The following GOLGA8B variants were observed in gnomAD, a reference collection of about 807,000 sequenced individuals.
GOLGA8B encodes golgin A8 family member B.
GOLGA8B carries 1 observed loss-of-function variant against 15.6 expected under a neutral mutation model. That is an observed-to-expected ratio of 0.06 (90% confidence interval 0.02 to 0.30). The LOEUF (loss-of-function observed/expected upper bound fraction) is 0.30. Ranked by LOEUF, GOLGA8B falls within the 10% of genes least tolerant of loss-of-function variation. GOLGA8B has a pLI of 1.00. For missense variants in GOLGA8B, 17 were observed against 201.3 expected, an observed-to-expected ratio of 0.08 and a Z score of 5.54; for synonymous variants, 9 against 80.3, an observed-to-expected ratio of 0.11 and a Z score of 4.75.
rs1363171568 is a variant in GOLGA8B, at chr15:34,554,153, A to G, written c.-1122-197T>C. On this transcript the variant is annotated intron_variant, in intron 1 of 23. Transcript: ENST00000683415. ...AAGTGGAACAGTTTCAGTGCAGACT[A>G]TAGGTTCATGTTAGTGATGAACTTG... Among the ~76,000 whole-genome samples, 17 of 133,952 alleles carry G rather than the reference A, an allele frequency of 1.3e-4. No homozygotes were observed. The East Asian group carries it at 2.0e-3, about 16-fold the overall frequency. The allele number at this position is 133,952 out of a possible 152,430, so 87.9% of individuals were successfully genotyped here. A position where few individuals can be genotyped will look rare whatever the true frequency, so the allele number is the denominator to read the frequency against.
intron 1 of GOLGA8B, among the ~76,000 whole-genome samples, chr15:34,576,498 C>T (rs1312036251): frequency 6.6e-6 from 1 of 152,202 alleles, no homozygotes; most frequent in African/African-American, 2.4e-5. Context: ...ACCACACATC[C>T]CACCTGCAAA....
At chr15:34,554,392 CAT>C (rs1212655136) in intron 1 of GOLGA8B, among the ~76,000 whole-genome samples, 392 of 150,048 alleles carry the variant, frequency 2.6e-3, no homozygotes, top group African/African-American at 8.7e-3. Flanking sequence ...ATGCCCACCT[CAT>C]ACACACCACA....
intron 11 of GOLGA8B, among the ~76,000 whole-genome samples, chr15:34,532,455 T>C (rs1888165411): frequency 9.0e-6 from 1 of 111,648 alleles, no homozygotes; most frequent in African/African-American, 2.8e-5. Context: ...ACAGAGACCT[T>C]TGATACTCAC....
chr15:34,528,155 ACCCCCACC>A, intron 22 of GOLGA8B, 26 bp downstream of exon 22: 1 of 101,410 alleles, frequency 9.9e-6, no homozygotes, highest in Non-Finnish European at 1.7e-5. Flanking sequence ...CCCCCACCCC[ACCCCCACC>A]CCCACAGGGA....
chr15:34,565,378 A>C (rs1595707272), intron 1 of GOLGA8B, among the ~76,000 whole-genome samples: 2 of 118,054 alleles, frequency 1.7e-5, no homozygotes, highest in Non-Finnish European at 3.9e-5. Context: ...CAGGTGATCC[A>C]CCCGCCTCGG....
At chr15:34,563,589 C>A (rs1710192579) in intron 1 of GOLGA8B, among the ~76,000 whole-genome samples, 1 of 151,086 alleles carries the variant, frequency 6.6e-6, no homozygotes, top group Non-Finnish European at 1.5e-5. Flanking sequence ...TGTGTTTATA[C>A]AATCTTTATT....
chr15:34,583,165 G>A (rs2655325), intron 1 of GOLGA8B, among the ~76,000 whole-genome samples: 2 of 151,974 alleles, frequency 1.3e-5, no homozygotes, highest in Non-Finnish European at 2.9e-5. Context: ...AGCCCAGCGA[G>A]ATCCGAGCGG....
intron 1 of GOLGA8B, among the ~76,000 whole-genome samples, chr15:34,567,970 G>A (rs927070299): frequency 6.6e-6 from 1 of 151,250 alleles, no homozygotes; most frequent in African/African-American, 2.4e-5. Flanking sequence ...GGAAGGATAC[G>A]ACTGAAACTC....
Position 34,525,838 on chromosome 15 carries a change from A to G in GOLGA8B, c.*1794T>C, listed in dbSNP as rs550754747. 6.7e-6 allele frequency: 1 copy of G among 149,518 alleles called. No individual in the cohort carries two copies. The highest frequency in any genetic ancestry group is 2.2e-4 in the South Asian group (1 of 4,622). The allele number at this position is 149,518 out of a possible 1,614,324, so 9.3% of individuals were successfully genotyped here. On this transcript the variant is annotated 3_prime_UTR_variant, in exon 24 of 24. Transcript: ENST00000683415. ...ATTGCTGCTCTCCTGTTAATCTCCTATTTATAAAAGGATCATGAGGCTGCC... is the reference window on the plus strand; with the variant it reads ...ATTGCTGCTCTCCTGTTAATCTCCTGTTTATAAAAGGATCATGAGGCTGCC...
At chr15:34,579,140 T>C (rs1889162345) in intron 1 of GOLGA8B, among the ~76,000 whole-genome samples, 1 of 152,112 alleles carries the variant, frequency 6.6e-6, no homozygotes. Flanking sequence ...AGACTGGCCC[T>C]GGACCCCAGG....
At chr15:34,574,867 A>AC (rs1204725293) in intron 1 of GOLGA8B, 1 of 152,154 alleles carries the variant, frequency 6.6e-6, no homozygotes, top group African/African-American at 2.4e-5. Flanking sequence ...ATCAGGTAAG[A>AC]AATGTTTCTT....
At chr15:34,560,141 T>C (rs1888589332) in intron 1 of GOLGA8B, among the ~76,000 whole-genome samples, 1 of 150,328 alleles carries the variant, frequency 6.7e-6, no homozygotes, top group Non-Finnish European at 1.5e-5. Context: ...AGGCTGTGGC[T>C]TATAGTAAAG....
chr15:34,525,851 T>A lies in GOLGA8B; in HGVS notation c.*1781A>T, dbSNP rs1304144457. On this transcript the variant is annotated 3_prime_UTR_variant, in exon 24 of 24. Transcript: ENST00000683415. ...TGTTAATCTCCTATTTATAAAAGGA[T>A]CATGAGGCTGCCAAGTGCTAAAAAT... is the stretch of plus-strand genomic sequence containing the variant. 6.7e-6 allele frequency: 1 copy of A among 149,376 alleles called. No individual in the cohort carries two copies. The highest frequency in any genetic ancestry group is 2.0e-4 in the East Asian group (1 of 5,108). 9.3% of individuals were successfully genotyped at this position (149,376 alleles called of 1,614,324 possible).
chr15:34,580,531 C>T (rs1889200395), intron 1 of GOLGA8B, among the ~76,000 whole-genome samples: 1 of 152,094 alleles, frequency 6.6e-6, no homozygotes, highest in Non-Finnish European at 1.5e-5. Flanking sequence ...CACCTAACTC[C>T]CGGGCCTCCC....
chr15:34,570,696 A>C (rs1209788744), intron 1 of GOLGA8B, among the ~76,000 whole-genome samples: 4 of 127,614 alleles, frequency 3.1e-5, no homozygotes, highest in South Asian at 2.6e-4. Context: ...ATTTACATCA[A>C]CAGAGAGACT....
chr15:34,581,001 C>G (rs772666037), intron 1 of GOLGA8B, among the ~76,000 whole-genome samples: 22 of 152,214 alleles, frequency 1.4e-4, no homozygotes, highest in Non-Finnish European at 2.9e-4. Context: ...GCCCAGAGCT[C>G]TCTCCGTTTC....
rs561103255 is a variant in GOLGA8B at position 34,559,314 on chromosome 15, A to G, written c.-1122-5358T>C. Among the ~76,000 whole-genome samples, 19 of 147,402 alleles carry G rather than the reference A, an allele frequency of 1.3e-4. 3 individuals are homozygous for G. The East Asian group carries it at 3.7e-3, about 29-fold the overall frequency. ...GCAGAGGTTCTGTTGTGAAGATGGA[A>G]AAGTTCTGGAGATGCATGGTGGTGA... On this transcript the variant is annotated intron_variant, in intron 1 of 23. Transcript: ENST00000683415.
At chr15:34,568,953 T>G (rs1213825117) in intron 1 of GOLGA8B, among the ~76,000 whole-genome samples, 1 of 148,284 alleles carries the variant, frequency 6.7e-6, no homozygotes, top group Non-Finnish European at 1.5e-5. Context: ...GCGCTCTCTC[T>G]CGCTCTCGCT....
At chr15:34,573,459 C>T (rs1351618246) in intron 1 of GOLGA8B, among the ~76,000 whole-genome samples, 4 of 149,750 alleles carry the variant, frequency 2.7e-5, no homozygotes, top group African/African-American at 7.4e-5. Context: ...ATGGCGTGAA[C>T]CCAGGAGGTG....
Sources: gnomAD v4.1 joint callset for allele counts (sites outside exome capture counted in the v4.1 genomes callset) on GRCh38, gnomAD v4.1.1 for gene constraint, MANE v1.5 for transcripts, NCBI Gene and HGNC (gene_info 2026-07-23, HGNC 2026-07-21) for gene names.